CCDC192: variants seen among roughly 807,000 people sequenced by gnomAD.
CCDC192 encodes coiled-coil domain containing 192, also known as coiled-coil domain-containing protein 192.
intron 5 of CCDC192, among the ~76,000 whole-genome samples, chr5:127,868,894 C>A (rs1751725392): frequency 6.6e-6 from 1 of 152,148 alleles, no homozygotes; most frequent in Non-Finnish European, 1.5e-5. Flanking sequence ...AAGGCAAAAT[C>A]TGGAGATAGA....
chr5:127,802,393 G>C (rs1757552380), intron 5 of CCDC192, among the ~76,000 whole-genome samples: 1 of 152,008 alleles, frequency 6.6e-6, no homozygotes, highest in African/African-American at 2.4e-5. Context: ...TTATCATGTT[G>C]ACAATGGGGA....
intron 2 of CCDC192, among the ~76,000 whole-genome samples, chr5:127,746,979 C>A (rs921083700): frequency 6.6e-6 from 1 of 151,770 alleles, no homozygotes; most frequent in Non-Finnish European, 1.5e-5. Flanking sequence ...TCAGGAAATG[C>A]ACACATGTAA....
intron 5 of CCDC192, among the ~76,000 whole-genome samples, chr5:127,875,074 G>A (rs1411471191): frequency 1.3e-5 from 2 of 152,122 alleles, no homozygotes; most frequent in African/African-American, 2.4e-5. Context: ...TTTGGTGGTC[G>A]TATCACACTT....
chr5:127,888,296 G>C (rs1413172235), intron 6 of CCDC192, among the ~76,000 whole-genome samples: 1 of 151,740 alleles, frequency 6.6e-6, no homozygotes, highest in African/African-American at 2.4e-5. Context: ...GGTGCCTGTA[G>C]TCCCAGCTAC....
At chr5:127,737,618 A>AT (rs1012820976) in intron 2 of CCDC192, among the ~76,000 whole-genome samples, 2 of 151,724 alleles carry the variant, frequency 1.3e-5, no homozygotes, top group Non-Finnish European at 2.9e-5. Context: ...GTGCTCCTGT[A>AT]TTGGGTGCAT....
intron 6 of CCDC192, among the ~76,000 whole-genome samples, chr5:127,911,886 C>A (rs1753366919): frequency 6.6e-6 from 1 of 151,216 alleles, no homozygotes; most frequent in Non-Finnish European, 1.5e-5. Flanking sequence ...TGTTTTTGGG[C>A]TTTTTTAAGT....
At chr5:127,873,694 G>T (rs1184023381) in intron 5 of CCDC192, among the ~76,000 whole-genome samples, 1 of 151,938 alleles carries the variant, frequency 6.6e-6, no homozygotes, top group Non-Finnish European at 1.5e-5. Flanking sequence ...TATCTCCAAA[G>T]TTCTAAATTG....
intron 5 of CCDC192, among the ~76,000 whole-genome samples, chr5:127,823,594 C>G (rs1005799430): frequency 1.3e-5 from 2 of 152,186 alleles, no homozygotes; most frequent in Admixed American, 6.5e-5. Flanking sequence ...CAATAAATTT[C>G]TATTTTCAAG....
At chr5:127,936,503 C>T (rs769324091) in intron 6 of CCDC192, among the ~76,000 whole-genome samples, 17 of 152,214 alleles carry the variant, frequency 1.1e-4, no homozygotes, top group African/African-American at 1.7e-4. Context: ...CAATTCCCAC[C>T]GGCCATCCCC....
intron 6 of CCDC192, among the ~76,000 whole-genome samples, chr5:127,904,091 A>G (rs1029421772): frequency 1.3e-5 from 2 of 152,162 alleles, no homozygotes; most frequent in Non-Finnish European, 2.9e-5. Flanking sequence ...GCCTGTGATC[A>G]GAGAGAGATG....
At chr5:127,926,784 A>G (rs1174444302) in intron 6 of CCDC192, among the ~76,000 whole-genome samples, 2 of 152,176 alleles carry the variant, frequency 1.3e-5, no homozygotes, top group African/African-American at 2.4e-5. Flanking sequence ...ATATATTGCA[A>G]CCAAGGCCAC....
At chr5:127,913,203 C>A (rs1377444455) in intron 6 of CCDC192, among the ~76,000 whole-genome samples, 3 of 152,166 alleles carry the variant, frequency 2.0e-5, no homozygotes, top group Non-Finnish European at 4.4e-5. Context: ...TACAGACCAA[C>A]AAACTAAAGC....
At chr5:127,799,781 T>C (rs1368063611) in intron 5 of CCDC192, among the ~76,000 whole-genome samples, 1 of 152,182 alleles carries the variant, frequency 6.6e-6, no homozygotes, top group Non-Finnish European at 1.5e-5. Context: ...ATTGCTTCCC[T>C]GTATTAGGGT....
In CCDC192 at chr5:127,769,373, T is replaced by C. The variant is rs568493426; in HGVS notation, c.222+14998T>C. On this transcript the variant is annotated intron_variant, in intron 3 of 6. Coordinates refer to ENST00000514853, the MANE Select transcript of CCDC192 (RefSeq NM_001317938.2). ...TAATTCTGATTTGCCTGGTATACATTCAAATGACAATATCAAATAGGTTGT... is the reference window on the plus strand; with the variant it reads ...TAATTCTGATTTGCCTGGTATACATCCAAATGACAATATCAAATAGGTTGT... 1.5e-4 allele frequency among the ~76,000 whole-genome samples: 23 copies of C among 152,152 alleles called. No individual in the cohort carries two copies. The South Asian group carries it at 4.8e-3, about 32-fold the overall frequency.
At chr5:127,808,156 A>G (rs919004645) in intron 5 of CCDC192, among the ~76,000 whole-genome samples, 1 of 152,162 alleles carries the variant, frequency 6.6e-6, no homozygotes, top group Non-Finnish European at 1.5e-5. Context: ...TATTTTGACC[A>G]TCAGAAAGAC....
chr5:127,834,937 T>C (rs1451054065), intron 5 of CCDC192, among the ~76,000 whole-genome samples: 1 of 152,214 alleles, frequency 6.6e-6, no homozygotes, highest in East Asian at 1.9e-4. Context: ...AAAGCAGATT[T>C]TTAAGTTATT....
At chr5:127,932,520 T>G (rs1285725548) in intron 6 of CCDC192, among the ~76,000 whole-genome samples, 2 of 152,158 alleles carry the variant, frequency 1.3e-5, no homozygotes, top group Non-Finnish European at 2.9e-5. Context: ...TTATTTTTTC[T>G]AATGCAGTAG....
At chr5:127,719,572 T>TGG (rs1233395584) in intron 2 of CCDC192, among the ~76,000 whole-genome samples, 1 of 104,594 alleles carries the variant, frequency 9.6e-6, no homozygotes, top group African/African-American at 3.6e-5. Flanking sequence ...CACATACATA[T>TGG]ATATATATAC....
At chr5:127,825,604 G>T (rs1749491420) in intron 5 of CCDC192, among the ~76,000 whole-genome samples, 1 of 152,184 alleles carries the variant, frequency 6.6e-6, no homozygotes, top group Admixed American at 6.5e-5. Flanking sequence ...GGTGCTTCTG[G>T]GAGGTTCCTC....
Sources: gnomAD v4.1 joint callset for allele counts (sites outside exome capture counted in the v4.1 genomes callset) on GRCh38, gnomAD v4.1.1 for gene constraint, MANE v1.5 for transcripts, NCBI Gene and HGNC (gene_info 2026-07-23, HGNC 2026-07-21) for gene names.